Variants in ZNF142 observed in about 807,000 individuals in gnomAD.
ZNF142 encodes zinc finger protein 142 (clone pHZ-49).
In ZNF142, 96 loss-of-function variants were observed where a neutral mutation model predicts 132.1. That is an observed-to-expected ratio of 0.73 (90% CI 0.62 to 0.86). The LOEUF (loss-of-function observed/expected upper bound fraction) is 0.86. Ranked by LOEUF, ZNF142 falls within the 40% of genes least tolerant of loss-of-function variation. ZNF142 has a pLI of 0.00. For synonymous variants in ZNF142, 842 were observed against 890.1 expected (o/e 0.95, Z 0.96); for missense variants, 2,163 against 2,336.2 (o/e 0.93, Z 1.53).
chr2:218,656,181 G>C lies in ZNF142; in HGVS notation c.249C>G (p.Thr83=), dbSNP rs1434297046. The change falls in exon 4 of 11, where the codon ACC becomes ACG. Residue 83 remains threonine, a synonymous_variant. Coordinates refer to ENST00000411696, the MANE Select transcript of ZNF142 (RefSeq NM_001379659.1). ...MEIIVETVAG[T]LTPGAPGETP... is the part of the protein sequence containing the mutation. Reference sequence around the variant, plus strand: ...TCTCTCCAGGAGCACCTGGGGTCAGGGTTCCAGCTACTGTCTCCACAATGA... The same window carrying C: ...TCTCTCCAGGAGCACCTGGGGTCAGCGTTCCAGCTACTGTCTCCACAATGA... 6.2e-7 allele frequency: 1 copy of C among 1,605,644 alleles called. No individual in the cohort carries two copies. Among genetic ancestry groups the C allele is most frequent in the African/African-American group, 1.3e-5 (1 of 74,818 alleles).
At position 218,644,560 on chromosome 2, in the gene ZNF142, C is replaced by G; in HGVS notation, c.2556G>C (p.Leu852Phe). Residue 852 changes from leucine to phenylalanine, a missense_variant, in exon 9 of 11, where the codon TTG becomes TTC. By Grantham distance (22) the Leu-to-Phe change is conservative. Coordinates refer to ENST00000411696, the MANE Select transcript of ZNF142 (RefSeq NM_001379659.1). This position sits in a 1 kb window ranked among gnomAD's most constrained non-coding sequence, Gnocchi z 4.6. Reference protein sequence around the residue: ...HEPGTVVDPSLDQALPEMSEE... With the variant: ...HEPGTVVDPSFDQALPEMSEE... ...CACTCATCTCTGGCAGGGCCTGGTCCAAGCTGGGGTCCACCACAGTCCCAG... is the reference window on the plus strand; with the variant it reads ...CACTCATCTCTGGCAGGGCCTGGTCGAAGCTGGGGTCCACCACAGTCCCAG... 1 of 1,614,104 alleles carries G rather than the reference C, an allele frequency of 6.2e-7. No individual in the cohort carries two copies. The highest frequency in any genetic ancestry group is 8.5e-7 in the Non-Finnish European group (1 of 1,180,040).
In ZNF142 at chr2:218,634,291, T is replaced by C; in HGVS notation, c.*4048A>G. ...AGGTGGGAAATAAGTTCTCTAGTGATGGTAGGGTTGGGGAATGCTCAAGAA... is the reference window on the plus strand; with the variant it reads ...AGGTGGGAAATAAGTTCTCTAGTGACGGTAGGGTTGGGGAATGCTCAAGAA... On this transcript the variant is annotated 3_prime_UTR_variant, in exon 11 of 11. Transcript: ENST00000411696. This position sits in a 1 kb window ranked among gnomAD's most constrained non-coding sequence, Gnocchi z 4.0. The C allele has an allele frequency of 1.3e-6, 2 of 1,573,454 alleles. No individual in the cohort carries two copies. The highest frequency in any genetic ancestry group is 2.3e-5 in the South Asian group (2 of 86,694).
Position 218,633,861 on chromosome 2 carries a change from A to C in ZNF142, c.*4478T>G. ...CCCAAGAAAAAAGACAAGGTAGCTAAGGAGAGATGAAGGAGTTCAGAAACT... is the reference window on the plus strand; with the variant it reads ...CCCAAGAAAAAAGACAAGGTAGCTACGGAGAGATGAAGGAGTTCAGAAACT... On this transcript the variant is annotated 3_prime_UTR_variant, in exon 11 of 11. Coordinates refer to ENST00000411696, the MANE Select transcript of ZNF142 (RefSeq NM_001379659.1). 1 of 1,426,162 alleles carries C rather than the reference A, an allele frequency of 7.0e-7. No homozygotes were observed. Among genetic ancestry groups the C allele is most frequent in the Non-Finnish European group, 9.7e-7 (1 of 1,036,060 alleles). The allele number at this position is 1,426,162 out of a possible 1,614,324, so 88.3% of individuals were successfully genotyped here.
Position 218,633,757 on chromosome 2 carries a change from G to C in ZNF142, c.*4582C>G. ...CCAAGGCCAAGCGCCTCATCAAGGA[G>C]GCTGGTCAGGACCAAAATGGAGGGA... is the stretch of plus-strand genomic sequence containing the variant. On this transcript the variant is annotated 3_prime_UTR_variant, in exon 11 of 11. Coordinates refer to ENST00000411696, the MANE Select transcript of ZNF142 (RefSeq NM_001379659.1). The C allele has an allele frequency of 6.2e-7, 1 of 1,613,886 alleles. No individual in the cohort carries two copies. The highest frequency in any genetic ancestry group is 8.5e-7 in the Non-Finnish European group (1 of 1,179,878).
chr2:218,645,853 C>A (rs760753615), intron 8 of ZNF142, among the ~76,000 whole-genome samples: 4 of 152,162 alleles, frequency 2.6e-5, no homozygotes, highest in African/African-American at 4.8e-5. Context: ...ACCTCCACCC[C>A]CCGGCTCAAG....
intron 9 of ZNF142, among the ~76,000 whole-genome samples, chr2:218,640,986 G>A (rs2106197815): frequency 6.6e-6 from 1 of 150,720 alleles, no homozygotes; most frequent in African/African-American, 2.4e-5. Context: ...CCAGGCTGGA[G>A]TGAACTGGTG....
At chr2:218,658,428 CT>C (rs1470771452) in intron 3 of ZNF142, among the ~76,000 whole-genome samples, 1 of 152,092 alleles carries the variant, frequency 6.6e-6, no homozygotes, top group Non-Finnish European at 1.5e-5. Flanking sequence ...GTAATCCCAG[CT>C]ACTCGGGAGG....
Position 218,638,651 on chromosome 2 carries a change from A to C in ZNF142, c.5352T>G (p.Leu1784=), listed in dbSNP as rs773078488. The C allele has an allele frequency of 2.5e-6, 4 of 1,614,204 alleles. No homozygotes were observed. The highest frequency in any genetic ancestry group is 3.4e-6 in the Non-Finnish European group (4 of 1,180,044). Residue 1784 remains leucine, a synonymous_variant, in exon 11 of 11, where the codon CTT becomes CTG. Transcript: ENST00000411696. The part of the protein sequence containing the change: ...FKTRFLLRTH[L]RKHSEAKPYV... ...AGGGTTTGGCCTCACTGTGCTTGCG[A>C]AGGTGGGTGCGCAGCAGGAAGCGCG...
Position 218,634,688 on chromosome 2 carries a change from A to T in ZNF142, c.*3651T>A. 1.3e-5 allele frequency: 20 copies of T among 1,580,768 alleles called. No homozygotes were observed. The highest frequency in any genetic ancestry group is 1.7e-5 in the Non-Finnish European group (20 of 1,157,050). On this transcript the variant is annotated 3_prime_UTR_variant, in exon 11 of 11. Transcript: ENST00000411696. This position sits in a 1 kb window ranked among gnomAD's most constrained non-coding sequence, Gnocchi z 4.0. ...GAGATAACTGGGATAGAAGTGAGGG[A>T]AGAGGTGGCTAGGCCTGACCGGAAT...
In ZNF142 at chr2:218,637,243, G is replaced by C. The variant is rs573146716; in HGVS notation, c.*1096C>G. ...GGTACAAGGGTTGTGGGGACATCTG[G>C]GTAGTCAGGTGAGACAAGGAAAAGG... is the stretch of plus-strand genomic sequence containing the variant. On this transcript the variant is annotated 3_prime_UTR_variant, in exon 11 of 11. Transcript: ENST00000411696. The C allele has an allele frequency of 5.2e-6, 1 of 191,228 alleles. No individual in the cohort carries two copies. The highest frequency in any genetic ancestry group is 1.0e-4 in the South Asian group (1 of 9,978). The allele number at this position is 191,228 out of a possible 1,614,324, so 11.8% of individuals were successfully genotyped here. A position where few individuals can be genotyped will look rare whatever the true frequency, so the allele number is the denominator to read the frequency against.
chr2:218,643,360 T>TC lies in ZNF142; in HGVS notation c.3755dup (p.Arg1253ThrfsTer15), dbSNP rs751589999. The TC allele has an allele frequency of 1.9e-6, 3 of 1,613,330 alleles. No individual in the cohort carries two copies. The highest frequency in any genetic ancestry group is 8.5e-7 in the Non-Finnish European group (1 of 1,179,842). On this transcript the variant is annotated frameshift_variant, in exon 9 of 11. Transcript: ENST00000411696. LOFTEE classifies it high-confidence loss of function. ...TCCCTCGTTTTCCTCCCCCGCCACG[T>TC]CCCCCCCTGCAGCCTTCAGCCACGT... is the stretch of plus-strand genomic sequence containing the variant.
intron 5 of ZNF142, 32 bp downstream of exon 5, chr2:218,651,669 G>C: frequency 8.0e-7 from 1 of 1,247,936 alleles, no homozygotes; most frequent in Non-Finnish European, 1.0e-6. Context: ...CTGAACTCCA[G>C]GAGAGGAACT....
In ZNF142 at chr2:218,634,714, G is replaced by A. The variant is rs1575043693; in HGVS notation, c.*3625C>T. On this transcript the variant is annotated 3_prime_UTR_variant, in exon 11 of 11. Transcript: ENST00000411696. The surrounding 1 kb of genome is among the most constrained non-coding windows in gnomAD (Gnocchi z 4.0). Reference sequence around the variant, plus strand: ...AGAGGTGGCTAGGCCTGACCGGAATGTAGAGGCCGGATAGCCTATTAACAG... The same window carrying A: ...AGAGGTGGCTAGGCCTGACCGGAATATAGAGGCCGGATAGCCTATTAACAG... 2.7e-6 allele frequency: 4 copies of A among 1,459,762 alleles called. No individual in the cohort carries two copies. In the East Asian group the frequency reaches 9.1e-5, roughly 33 times the overall value. The allele number at this position is 1,459,762 out of a possible 1,614,324, so 90.4% of individuals were successfully genotyped here.
chr2:218,644,992 C>T lies in ZNF142; in HGVS notation c.2124G>A (p.Gln708=), dbSNP rs748500547. The change falls in exon 9 of 11, where the codon CAG becomes CAA. Residue 708 remains glutamine, a synonymous_variant. Transcript: ENST00000411696. The surrounding 1 kb of genome is among the most constrained non-coding windows in gnomAD (Gnocchi z 4.6). ...DQLSSHKLRH[Q]GKSLMCEVCA... ...ACACCTCACACATCAGAGACTTGCC[C>T]TGATGCCGCAGCTTGTGGCTGCTCA... is the stretch of plus-strand genomic sequence containing the variant. The T allele has an allele frequency of 6.2e-7, 1 of 1,614,102 alleles. No individual in the cohort carries two copies. The highest frequency in any genetic ancestry group is 8.5e-7 in the Non-Finnish European group (1 of 1,179,988).
chr2:218,642,518 C>T lies in ZNF142; in HGVS notation c.4598G>A (p.Cys1533Tyr), dbSNP rs766056018. ...GGCAGGGCTGGGGCACAGCAACCCA[C>T]AGCGGGAACAGTGCAGGGGGCCCTC... ...TTEGPLHCSR[C>Y]GLLCPSPASL... is the part of the protein sequence containing the mutation. Residue 1533 changes from cysteine (C) to tyrosine (Y), a missense_variant, in exon 9 of 11, where the codon TGT becomes TAT. Physicochemically the swap from Cys to Tyr is radical, Grantham distance 194. Coordinates refer to ENST00000411696, the MANE Select transcript of ZNF142 (RefSeq NM_001379659.1). This position sits in a 1 kb window ranked among gnomAD's most constrained non-coding sequence, Gnocchi z 4.6. 40 of 1,608,072 alleles carry T rather than the reference C, an allele frequency of 2.5e-5. No homozygotes were observed. The highest frequency in any genetic ancestry group is 3.1e-5 in the Non-Finnish European group (37 of 1,176,378).
chr2:218,653,016 C>T (rs1489966790), intron 4 of ZNF142, among the ~76,000 whole-genome samples: 2 of 151,746 alleles, frequency 1.3e-5, no homozygotes, highest in Admixed American at 6.6e-5. Flanking sequence ...TGCAGTGGCT[C>T]ACGCCTGTAA....
In ZNF142 at chr2:218,642,927, C is replaced by A. The variant is rs528176678; in HGVS notation, c.4189G>T (p.Val1397Leu). The A allele has an allele frequency of 7.6e-5, 122 of 1,613,682 alleles. No homozygotes were observed. In the Middle Eastern group the frequency reaches 1.3e-3, roughly 17 times the overall value. The change falls in exon 9 of 11, where the codon GTG becomes TTG. Residue 1397 changes from valine to leucine, a missense_variant. Val to Leu is a conservative substitution (Grantham distance 32). Around this residue, in one of 7 missense-constraint regions of ZNF142, gnomAD observed 809 missense variants for 801.7 expected, o/e 1.01. Transcript: ENST00000411696. This position sits in a 1 kb window ranked among gnomAD's most constrained non-coding sequence, Gnocchi z 4.6. ...QQHRRLKHEG[V>L]KPHQCPFCDF... ...CAGAAGGGGCACTGATGGGGCTTCA[C>A]CCCCTCGTGCTTGAGCCGCCGGTGC...
chr2:218,655,578 C>A (rs1490786804), intron 4 of ZNF142, among the ~76,000 whole-genome samples: 2 of 152,256 alleles, frequency 1.3e-5, no homozygotes, highest in South Asian at 4.2e-4. Context: ...CAGCCTCTAA[C>A]TCCTGGGCTC....
chr2:218,652,011 A>G lies in ZNF142; in HGVS notation c.570T>C (p.Pro190=). 1 of 608,484 alleles carries G rather than the reference A, an allele frequency of 1.6e-6. No individual in the cohort carries two copies. Among genetic ancestry groups the G allele is most frequent in the Non-Finnish European group, 2.7e-6 (1 of 365,932 alleles). 37.7% of individuals were successfully genotyped at this position (608,484 alleles called of 1,614,324 possible). A position where few individuals can be genotyped will look rare whatever the true frequency, so the allele number is the denominator to read the frequency against. The part of the protein sequence containing the change: ...KSHFKIHRGT[P]DTFSCPESGC... ...CAGATTCTGGGCAGGAGAAGGTGTC[A>G]GGAGTGCCCCGGTGAATCTTGAAGT... Residue 190 remains proline, a synonymous_variant, in exon 5 of 11, where the codon CCT becomes CCC. Transcript: ENST00000411696.
Sources: gnomAD v4.1 joint callset for allele counts (sites outside exome capture counted in the v4.1 genomes callset) on GRCh38, gnomAD v4.1.1 for gene constraint, gnomAD v4.1.1 regional missense constraint, Gnocchi (gnomAD v3.1) non-coding constraint, MANE v1.5 for transcripts, NCBI Gene and HGNC (gene_info 2026-07-23, HGNC 2026-07-21) for gene names.